Variants in NUB1 observed in about 807,000 individuals in gnomAD.
The protein encoded by NUB1 is negative regulator of ubiquitin like proteins 1.
NUB1 carries 41 observed loss-of-function variants against 77.1 expected under a neutral mutation model. The ratio of observed to expected loss-of-function variants is 0.53; its 90% CI spans 0.41 to 0.69. NUB1 has a LOEUF of 0.69. NUB1 is among the 30% of genes least tolerant of loss of function. The probability of loss-of-function intolerance (pLI) is 0.00; values close to 1 mark genes in which losing one functional copy is unlikely to be tolerated. For synonymous variants in NUB1, 257 were observed against 281.0 expected (o/e 0.91, Z 0.85); for missense variants, 643 against 743.8 (o/e 0.86, Z 1.58).
chr7:151,344,213 A>G (rs202108670), intron 1 of NUB1, among the ~76,000 whole-genome samples: 2 of 135,902 alleles, frequency 1.5e-5, no homozygotes, highest in South Asian at 2.3e-4. Flanking sequence ...AAAAAAAAAA[A>G]GTAGATGTGC....
At chr7:151,365,184 T>C (rs1439884538) in intron 8 of NUB1, among the ~76,000 whole-genome samples, 2 of 152,038 alleles carry the variant, frequency 1.3e-5, no homozygotes, top group African/African-American at 4.8e-5. Context: ...AATGATCAGG[T>C]TTAAATATAG....
intron 11 of NUB1, among the ~76,000 whole-genome samples, chr7:151,371,547 C>G (rs938426747): frequency 2.6e-5 from 4 of 152,108 alleles, no homozygotes; most frequent in African/African-American, 9.7e-5. Context: ...CACCTTAGCC[C>G]ATTCAGGGGC....
chr7:151,359,933 C>T (rs2150687183), intron 7 of NUB1, among the ~76,000 whole-genome samples: 2 of 152,186 alleles, frequency 1.3e-5, no homozygotes, highest in Non-Finnish European at 2.9e-5. Context: ...AGGATTGTAT[C>T]AGCTATAATA....
intron 13 of NUB1, 146 bp downstream of exon 13, chr7:151,376,089 A>G: frequency 1.5e-6 from 1 of 648,510 alleles, no homozygotes; most frequent in South Asian, 1.7e-5. Flanking sequence ...CCCACCTCAG[A>G]GGCCACCCAC....
At chr7:151,374,587 TGTA>T in intron 12 of NUB1, 1 of 372,522 alleles carries the variant, frequency 2.7e-6, no homozygotes, top group Non-Finnish European at 5.0e-6. Context: ...GAATTCAACT[TGTA>T]GTATAATTGT....
In NUB1 at chr7:151,376,747, C is replaced by A; in HGVS notation, c.1605C>A (p.Pro535=). 2 of 1,598,392 alleles carry A rather than the reference C, an allele frequency of 1.3e-6. No individual in the cohort carries two copies. The highest frequency in any genetic ancestry group is 4.5e-5 in the East Asian group (2 of 44,068). The change falls in exon 14 of 15, where the codon CCC becomes CCA. Residue 535 remains proline (P), a synonymous_variant. Transcript: ENST00000568733. Reference sequence around the variant, plus strand: ...CTCACAACGGAGGAAGCCTGCCTCCCGAGCTGCCGCTGTCGCCAGAAGACT... The same window carrying A: ...CTCACAACGGAGGAAGCCTGCCTCCAGAGCTGCCGCTGTCGCCAGAAGACT... ...TLAHNGGSLP[P]ELPLSPEDSL...
At chr7:151,374,435 C>T (rs1244421530) in intron 12 of NUB1, 192 bp downstream of exon 12, 1 of 721,742 alleles carries the variant, frequency 1.4e-6, no homozygotes, top group Non-Finnish European at 2.3e-6. Flanking sequence ...GCCCCATGCT[C>T]AGTGCTTGGC....
intron 5 of NUB1, among the ~76,000 whole-genome samples, chr7:151,353,722 C>A (rs66519748): frequency 0.16 from 23,969 of 152,092 alleles, 2,203 homozygotes; most frequent in Non-Finnish European, 0.21. Flanking sequence ...TTGGGGAGAC[C>A]AGTTAGCTAC....
At chr7:151,351,103 A>C in intron 3 of NUB1, 1 of 293,314 alleles carries the variant, frequency 3.4e-6, no homozygotes, top group Non-Finnish European at 6.4e-6. Context: ...GGCAAAGGGG[A>C]GGGAATGGGG....
intron 7 of NUB1, among the ~76,000 whole-genome samples, chr7:151,359,234 C>T (rs1371926267): frequency 2.9e-5 from 4 of 138,526 alleles, no homozygotes; most frequent in African/African-American, 8.1e-5. Context: ...GTCAGAAGAT[C>T]GAGACCATCC....
intron 5 of NUB1, among the ~76,000 whole-genome samples, chr7:151,353,197 G>C (rs11979062): frequency 0.016 from 2,381 of 152,256 alleles, 77 homozygotes; most frequent in African/African-American, 0.055. Context: ...AAGAGCTAAG[G>C]CTGTGTCAGG....
intron 11 of NUB1, 96 bp from the exon 12 acceptor site, chr7:151,374,001 T>C: frequency 7.2e-7 from 1 of 1,385,192 alleles, no homozygotes; most frequent in Non-Finnish European, 9.6e-7. Flanking sequence ...TTTTTTGGCT[T>C]TGCCTGGAAA....
Position 151,377,191 on chromosome 7 carries a change from T to C in NUB1, c.1814T>C (p.Val605Ala), listed in dbSNP as rs979891530. 1.9e-6 allele frequency: 3 copies of C among 1,568,004 alleles called. No homozygotes were observed. The highest frequency in any genetic ancestry group is 1.4e-5 in the African/African-American group (1 of 73,218). ...ATTATTGCAGAGTACCTATCCTATG[T>C]AGAAAATAGGAAGTCAGCAACAAAG... is the stretch of plus-strand genomic sequence containing the variant. ...EIIIAEYLSY[V>A]ENRKSATKKN The change falls in exon 15 of 15, where the codon GTA (valine) becomes GCA (alanine). Residue 605 changes from valine to alanine, a missense_variant. Transcript: ENST00000568733.
At position 151,348,818 on chromosome 7, in the gene NUB1, G is replaced by A. The variant is rs148457622; in HGVS notation, c.118-255G>A. Among the ~76,000 whole-genome samples the A allele has an allele frequency of 3.9e-3, 591 of 151,966 alleles. 6 individuals carry two copies. The highest frequency in any genetic ancestry group is 0.013 in the African/African-American group (547 of 41,476). On this transcript the variant is annotated intron_variant, in intron 2 of 14. Coordinates refer to ENST00000568733, the MANE Select transcript of NUB1 (RefSeq NM_001243351.2). The stretch of plus-strand genomic sequence containing the variant: ...CCAAACTCATCACCTCAAGTGATGC[G>A]CCTGCCTCGGCCTCCCAAAGTGCTG...
At chr7:151,344,042 G>T (rs536184311) in intron 1 of NUB1, among the ~76,000 whole-genome samples, 62 of 151,166 alleles carry the variant, frequency 4.1e-4, no homozygotes, top group Admixed American at 1.4e-3. Context: ...TCAGCCGGGC[G>T]TGGTGGCGGG....
chr7:151,376,944 A>C, intron 14 of NUB1, 103 bp from the exon 15 acceptor site: 1 of 1,396,496 alleles, frequency 7.2e-7, no homozygotes, highest in Non-Finnish European at 9.6e-7. Context: ...CCACCTGGAC[A>C]GTGTGGCCAG....
chr7:151,373,660 A>G (rs1170561124), intron 11 of NUB1, among the ~76,000 whole-genome samples: 7 of 152,160 alleles, frequency 4.6e-5, no homozygotes, highest in Non-Finnish European at 8.8e-5. Flanking sequence ...TTTTAACTTG[A>G]ATCCCTGGGC....
chr7:151,350,241 G>A (rs1796723898), intron 3 of NUB1, among the ~76,000 whole-genome samples: 1 of 152,268 alleles, frequency 6.6e-6, no homozygotes, highest in Non-Finnish European at 1.5e-5. Context: ...GCGTCACAGG[G>A]AGACGTTTAG....
chr7:151,377,090 C>A lies in NUB1; in HGVS notation c.1713C>A (p.Ala571=). The A allele has an allele frequency of 6.3e-7, 1 of 1,578,946 alleles. No individual in the cohort carries two copies. The highest frequency in any genetic ancestry group is 2.3e-5 in the East Asian group (1 of 43,754). ...ASTDEDMETE[A]VNEILEDIPE... The stretch of plus-strand genomic sequence containing the variant: ...CAGACGAAGACATGGAGACAGAGGC[C>A]GTCAATGAGATACTGGAAGACATTC... The change falls in exon 15 of 15, where the codon GCC becomes GCA. Residue 571 remains alanine (A), a synonymous_variant. Coordinates refer to ENST00000568733, the MANE Select transcript of NUB1 (RefSeq NM_001243351.2).
Sources: gnomAD v4.1 joint callset for allele counts (sites outside exome capture counted in the v4.1 genomes callset) on GRCh38, gnomAD v4.1.1 for gene constraint, MANE v1.5 for transcripts, NCBI Gene and HGNC (gene_info 2026-07-23, HGNC 2026-07-21) for gene names.